Variants in RPIA observed in about 807,000 individuals in gnomAD.
RPIA encodes ribose-5-phosphate isomerase.
A neutral mutation model predicts 37.8 loss-of-function variants in RPIA; 29 were observed. The observed-to-expected ratio is 0.77, with a 90% CI of 0.57 to 1.05. RPIA has a LOEUF of 1.05. Among genes scored for constraint, RPIA ranks in the 50% least tolerant of loss-of-function variants. The pLI is 0.00. For synonymous variants in RPIA, 167 were observed against 157.0 expected, an observed-to-expected ratio of 1.06 and a Z score of -0.48; for missense variants, 385 against 413.6, an observed-to-expected ratio of 0.93 and a Z score of 0.60.
intron 3 of RPIA, among the ~76,000 whole-genome samples, chr2:88,701,587 T>C (rs915426679): frequency 1.1e-4 from 17 of 152,308 alleles, no homozygotes; most frequent in African/African-American, 3.4e-4. Flanking sequence ...GCTCTTTACA[T>C]GGACATACTT....
chr2:88,748,688 C>T (rs1673466663), intron 8 of RPIA, among the ~76,000 whole-genome samples: 1 of 152,158 alleles, frequency 6.6e-6, no homozygotes, highest in South Asian at 2.1e-4. Context: ...AAGTTTATAT[C>T]TATTCTACTC....
chr2:88,744,643 C>T (rs1431398514), intron 8 of RPIA, among the ~76,000 whole-genome samples: 1 of 152,100 alleles, frequency 6.6e-6, no homozygotes, highest in African/African-American at 2.4e-5. Context: ...TTTCTTAGGT[C>T]TAGTAGTAAC....
At chr2:88,740,603 A>G (rs192575702) in intron 8 of RPIA, among the ~76,000 whole-genome samples, 3 of 152,312 alleles carry the variant, frequency 2.0e-5, no homozygotes, top group Non-Finnish European at 4.4e-5. Context: ...TTCCACCCAG[A>G]GCAGAGTGAC....
chr2:88,734,689 A>C, intron 5 of RPIA, 73 bp downstream of exon 5: 1 of 1,478,662 alleles, frequency 6.8e-7, no homozygotes, highest in Non-Finnish European at 9.5e-7. Flanking sequence ...ATGGATACAG[A>C]ATAAACAAAT....
intron 3 of RPIA, among the ~76,000 whole-genome samples, chr2:88,706,316 A>G (rs533752642): frequency 1.5e-4 from 23 of 152,346 alleles, no homozygotes; most frequent in African/African-American, 4.8e-4. Flanking sequence ...AATGCCACCA[A>G]TGATAGACTG....
chr2:88,704,686 C>T (rs913206442), intron 3 of RPIA, among the ~76,000 whole-genome samples: 7 of 152,098 alleles, frequency 4.6e-5, no homozygotes, highest in Admixed American at 2.0e-4. Context: ...TCTCTCTCAC[C>T]GCTCCCGTTC....
rs528565556 is a variant in RPIA at position 88,721,973 on chromosome 2, A to C, written c.403-7305A>C. ...TTAATTATAGACAGCTTGATCTATA[A>C]AAGTTTTTTTTTTTTTTTTAATCCT... On this transcript the variant is annotated intron_variant, in intron 3 of 8. Coordinates refer to ENST00000283646, the MANE Select transcript of RPIA (RefSeq NM_144563.3). 3.7e-3 allele frequency among the ~76,000 whole-genome samples: 545 copies of C among 149,202 alleles called. 4 individuals carry two copies. Among genetic ancestry groups the C allele is most frequent in the African/African-American group, 0.013 (518 of 39,778 alleles).
chr2:88,710,788 C>G (rs1672952166), intron 3 of RPIA, among the ~76,000 whole-genome samples: 1 of 152,176 alleles, frequency 6.6e-6, no homozygotes, highest in Admixed American at 6.5e-5. Flanking sequence ...TTAAATGTCT[C>G]TCCTCCCTTC....
chr2:88,712,930 A>T (rs889186045), intron 3 of RPIA, among the ~76,000 whole-genome samples: 2 of 150,608 alleles, frequency 1.3e-5, no homozygotes, highest in Non-Finnish European at 3.0e-5. Flanking sequence ...GTGCAATGGC[A>T]TGATCTCACC....
chr2:88,692,033 G>A (rs994164549), intron 1 of RPIA, 50 bp downstream of exon 1: 27 of 1,532,616 alleles, frequency 1.8e-5, no homozygotes, highest in Non-Finnish European at 2.2e-5. Context: ...TGGCGTGATG[G>A]GCTACTGTTG....
intron 3 of RPIA, 110 bp from the exon 4 acceptor site, chr2:88,729,168 T>C: frequency 8.7e-7 from 1 of 1,148,616 alleles, no homozygotes; most frequent in Non-Finnish European, 1.3e-6. Context: ...TGCTGGGCTT[T>C]GGGAGAGAGC....
chr2:88,732,797 A>G (rs867798260), intron 4 of RPIA, among the ~76,000 whole-genome samples: 11 of 151,902 alleles, frequency 7.2e-5, no homozygotes, highest in African/African-American at 1.4e-4. Context: ...TGTGGTAAAG[A>G]CTAACACAGG....
chr2:88,695,580 T>G (rs939136184), intron 1 of RPIA, among the ~76,000 whole-genome samples: 2 of 152,190 alleles, frequency 1.3e-5, no homozygotes, highest in Non-Finnish European at 2.9e-5. Flanking sequence ...CCTTGAAGAT[T>G]TTTATATGTG....
chr2:88,741,580 G>A (rs1277715982), intron 8 of RPIA, among the ~76,000 whole-genome samples: 1 of 152,150 alleles, frequency 6.6e-6, no homozygotes, highest in Non-Finnish European at 1.5e-5. Flanking sequence ...TTTCCTCTGG[G>A]TAGATACCCA....
At chr2:88,726,611 A>G (rs1673199962) in intron 3 of RPIA, among the ~76,000 whole-genome samples, 2 of 152,222 alleles carry the variant, frequency 1.3e-5, no homozygotes, top group South Asian at 4.1e-4. Context: ...ACATTCATGT[A>G]TGCAATATTT....
At chr2:88,736,446 A>G (rs1673316544) in intron 6 of RPIA, 89 bp from the exon 7 acceptor site, 1 of 1,436,790 alleles carries the variant, frequency 7.0e-7, no homozygotes. Flanking sequence ...CCTTCCCACC[A>G]TCTCATTAAC....
At chr2:88,734,462 C>A in intron 4 of RPIA, 90 bp from the exon 5 acceptor site, 1 of 1,226,796 alleles carries the variant, frequency 8.2e-7, no homozygotes, top group Non-Finnish European at 1.2e-6. Flanking sequence ...AACAGGGCTG[C>A]TGAGTATCTG....
intron 8 of RPIA, among the ~76,000 whole-genome samples, chr2:88,742,096 G>A (rs979524147): frequency 3.3e-5 from 5 of 152,052 alleles, no homozygotes; most frequent in Non-Finnish European, 5.9e-5. Flanking sequence ...TGTTCCATTT[G>A]CTTTTGGGTT....
chr2:88,700,136 AT>A, intron 3 of RPIA, 72 bp downstream of exon 3: 1 of 1,444,888 alleles, frequency 6.9e-7, no homozygotes, highest in South Asian at 1.1e-5. Flanking sequence ...TTGTGGACCT[AT>A]GGCCTTGTCT....
Sources: gnomAD v4.1 joint callset for allele counts (sites outside exome capture counted in the v4.1 genomes callset) on GRCh38, gnomAD v4.1.1 for gene constraint, MANE v1.5 for transcripts, NCBI Gene and HGNC (gene_info 2026-07-23, HGNC 2026-07-21) for gene names.